CDH6: variants seen among roughly 807,000 people sequenced by gnomAD.
CDH6 encodes cadherin-6.
Under a neutral mutation model 78.0 loss-of-function variants are expected in CDH6, and 31 were observed. The ratio of observed to expected loss-of-function variants is 0.40; its 90% CI spans 0.30 to 0.54. The LOEUF is 0.54. CDH6 is among the 20% of genes least tolerant of loss of function. CDH6 has a pLI of 0.56. For synonymous variants in CDH6, 376 were observed against 368.8 expected, an observed-to-expected ratio of 1.02 and a Z score of -0.23; for missense variants, 724 against 975.9, an observed-to-expected ratio of 0.74 and a Z score of 3.44.
chr5:31,290,784 C>T (rs1339026679), intron 2 of CDH6, among the ~76,000 whole-genome samples: 16 of 152,072 alleles, frequency 1.1e-4, no homozygotes, highest in Admixed American at 1.0e-3. Context: ...CCAGAAAATG[C>T]ACTTTGGAGG....
chr5:31,197,383 T>C (rs1399215606), intron 1 of CDH6, among the ~76,000 whole-genome samples: 1 of 152,210 alleles, frequency 6.6e-6, no homozygotes, highest in Non-Finnish European at 1.5e-5. Context: ...GCTTCTTGCT[T>C]AGTCATGGCT....
At chr5:31,228,046 C>G (rs1741212539) in intron 1 of CDH6, among the ~76,000 whole-genome samples, 1 of 152,196 alleles carries the variant, frequency 6.6e-6, no homozygotes. Flanking sequence ...AAGCCACTTC[C>G]TTACCATCCC....
At chr5:31,285,477 C>A (rs184111438) in intron 2 of CDH6, among the ~76,000 whole-genome samples, 5 of 152,308 alleles carry the variant, frequency 3.3e-5, no homozygotes, top group East Asian at 3.9e-4. Context: ...TGTCTAATTT[C>A]TGCTTTTTTC....
chr5:31,214,043 G>A (rs1367145477), intron 1 of CDH6, among the ~76,000 whole-genome samples: 3 of 151,550 alleles, frequency 2.0e-5, no homozygotes, highest in Non-Finnish European at 4.4e-5. Context: ...ATGAGCTCTG[G>A]AACGTCACAA....
intron 1 of CDH6, among the ~76,000 whole-genome samples, chr5:31,234,547 G>A (rs1160355399): frequency 1.3e-5 from 2 of 152,128 alleles, no homozygotes; most frequent in South Asian, 2.1e-4. Flanking sequence ...TGATAGGTGG[G>A]GAATCCCATC....
intron 1 of CDH6, among the ~76,000 whole-genome samples, chr5:31,263,614 C>T (rs1742270770): frequency 6.6e-6 from 1 of 151,864 alleles, no homozygotes; most frequent in African/African-American, 2.4e-5. Context: ...CCACCACTCC[C>T]ACTCTCATGA....
At chr5:31,317,201 C>T (rs891309138) in intron 9 of CDH6, among the ~76,000 whole-genome samples, 174 bp from the exon 10 acceptor site, 1 of 152,294 alleles carries the variant, frequency 6.6e-6, no homozygotes, top group Admixed American at 6.5e-5. Context: ...AGAATCATTC[C>T]CTGCCCTTTG....
intron 1 of CDH6, among the ~76,000 whole-genome samples, chr5:31,244,831 A>G (rs1741699175): frequency 6.6e-6 from 1 of 152,164 alleles, no homozygotes; most frequent in South Asian, 2.1e-4. Context: ...TTACTATAGG[A>G]GAAGAGGGTC....
chr5:31,214,262 G>A (rs1310494553), intron 1 of CDH6, among the ~76,000 whole-genome samples: 1 of 151,812 alleles, frequency 6.6e-6, no homozygotes, highest in Non-Finnish European at 1.5e-5. Flanking sequence ...TGTTTTTAAC[G>A]TTTTTCAGAA....
At chr5:31,199,354 T>G (rs1055639797) in intron 1 of CDH6, among the ~76,000 whole-genome samples, 1 of 149,858 alleles carries the variant, frequency 6.7e-6, no homozygotes, top group African/African-American at 2.5e-5. Flanking sequence ...ATGGTGTATA[T>G]ATATGATGTA....
chr5:31,240,715 G>A (rs951091215), intron 1 of CDH6, among the ~76,000 whole-genome samples: 7 of 152,148 alleles, frequency 4.6e-5, no homozygotes, highest in Non-Finnish European at 7.3e-5. Context: ...GATTCATTCC[G>A]ATTATCCTCC....
At chr5:31,277,335 A>G (rs1429218512) in intron 2 of CDH6, among the ~76,000 whole-genome samples, 1 of 152,150 alleles carries the variant, frequency 6.6e-6, no homozygotes, top group African/African-American at 2.4e-5. Context: ...GAATCCGGTT[A>G]ACTCTTGTTT....
intron 2 of CDH6, among the ~76,000 whole-genome samples, chr5:31,293,313 G>A (rs1737467747): frequency 6.6e-6 from 1 of 151,970 alleles, no homozygotes; most frequent in Admixed American, 6.6e-5. Context: ...GATTTTCAAG[G>A]TATTGCCCTT....
intron 1 of CDH6, among the ~76,000 whole-genome samples, chr5:31,204,146 G>T (rs1178105190): frequency 1.3e-5 from 2 of 152,306 alleles, no homozygotes; most frequent in African/African-American, 4.8e-5. Context: ...TAGATATTTT[G>T]TCTGATACTT....
chr5:31,302,042 G>C, intron 5 of CDH6, 69 bp from the exon 6 acceptor site: 1 of 1,045,248 alleles, frequency 9.6e-7, no homozygotes, highest in Admixed American at 2.3e-5. Context: ...TAGAGAATAG[G>C]TTTTGTTTTT....
chr5:31,317,249 T>G, intron 9 of CDH6, 126 bp from the exon 10 acceptor site: 1 of 610,124 alleles, frequency 1.6e-6, no homozygotes, highest in Non-Finnish European at 2.9e-6. Context: ...CACTGTATAT[T>G]ACTTAAAGGC....
rs1738526810 is a variant in CDH6, at chr5:31,323,333, T to C, written c.*25T>C. 6.3e-7 allele frequency: 1 copy of C among 1,591,250 alleles called. No homozygotes were observed. Reference sequence around the variant, plus strand: ...ATCTGTTGCCTTTTTCATTTTCCAATACGACACTGAAATATGTGAAGTGGC... The same window carrying C: ...ATCTGTTGCCTTTTTCATTTTCCAACACGACACTGAAATATGTGAAGTGGC... On this transcript the variant is annotated 3_prime_UTR_variant, in exon 12 of 12. Transcript: ENST00000265071.
intron 11 of CDH6, chr5:31,318,573 A>T (rs1181953050): frequency 4.4e-6 from 1 of 229,878 alleles, no homozygotes; most frequent in Non-Finnish European, 8.6e-6. Flanking sequence ...AATGGAAATC[A>T]GGGTCTAACA....
chr5:31,209,673 C>T (rs928921883), intron 1 of CDH6, among the ~76,000 whole-genome samples: 2 of 152,112 alleles, frequency 1.3e-5, no homozygotes, highest in Non-Finnish European at 2.9e-5. Context: ...AATCCCATCT[C>T]GAACTGGATT....
Sources: gnomAD v4.1 joint callset for allele counts (sites outside exome capture counted in the v4.1 genomes callset) on GRCh38, gnomAD v4.1.1 for gene constraint, MANE v1.5 for transcripts, NCBI Gene and HGNC (gene_info 2026-07-23, HGNC 2026-07-21) for gene names.